ZNF362: variants seen among roughly 807,000 people sequenced by gnomAD.
ZNF362 encodes the protein zinc finger protein 362.
A neutral mutation model predicts 42.9 loss-of-function variants in ZNF362; 11 were observed. That is an observed-to-expected ratio of 0.26 (90% CI 0.16 to 0.42). The LOEUF is 0.42. Among genes scored for constraint, ZNF362 ranks in the 20% least tolerant of loss-of-function variants. ZNF362 has a pLI of 1.00. For synonymous variants in ZNF362, 255 were observed against 257.3 expected (o/e 0.99, Z 0.09); for missense variants, 362 against 576.2 (o/e 0.63, Z 3.81).
the ZNF362 span, among the ~76,000 whole-genome samples, chr1:33,210,768 C>T: frequency 6.6e-6 from 1 of 151,380 alleles, no homozygotes; most frequent in Non-Finnish European, 1.5e-5. Context: ...TTTTTCTTTC[C>T]ACTTGCTTGG....
At chr1:33,160,136 A>G in the ZNF362 span, among the ~76,000 whole-genome samples, 1 of 152,192 alleles carries the variant, frequency 6.6e-6, no homozygotes, top group Non-Finnish European at 1.5e-5. Context: ...TCCATTAAAT[A>G]GCTAATGAAA....
In ZNF362 at chr1:33,276,054, C is replaced by G. The variant is rs750746988; in HGVS notation, c.39-46C>G. On this transcript the variant is annotated intron_variant, in intron 2 of 8. Transcript: ENST00000539719. ...CAGCTGAGGGGTGCTCGCCCCAGGC[C>G]TTGGGGAGGGCTCTCTTCCCGGTGA... is the stretch of plus-strand genomic sequence containing the variant. The G allele has an allele frequency of 1.9e-6, 3 of 1,610,936 alleles. No individual in the cohort carries two copies. The Admixed American group carries it at 5.0e-5, about 27-fold the overall frequency.
chr1:33,178,952 G>T, the ZNF362 span, among the ~76,000 whole-genome samples: 1 of 152,232 alleles, frequency 6.6e-6, no homozygotes, highest in Non-Finnish European at 1.5e-5. Context: ...TGAAGCAGAG[G>T]CTAGAAGGTC....
Position 33,280,151 on chromosome 1 carries a change from C to A in ZNF362, c.377C>A (p.Ser126Tyr). Residue 126 changes from serine to tyrosine, a missense_variant, in exon 5 of 9, where the codon TCT becomes TAT. Around this residue, in one of 3 missense-constraint regions of ZNF362, gnomAD observed 266 missense variants for 365.4 expected, o/e 0.73. Transcript: ENST00000539719. This position sits in a 1 kb window ranked among gnomAD's most constrained non-coding sequence, Gnocchi z 5.6. The stretch of plus-strand genomic sequence containing the variant: ...CTGGGGCTGTCCACCCGGACCCCGT[C>A]TGTGAGCACTTCTGAGTCAAGCGCG... ...TGLGLSTRTPSVSTSESSAGA... is the reference protein window; with the variant it reads ...TGLGLSTRTPYVSTSESSAGA... The A allele has an allele frequency of 6.3e-7, 1 of 1,595,580 alleles. No individual in the cohort carries two copies. The highest frequency in any genetic ancestry group is 8.6e-7 in the Non-Finnish European group (1 of 1,167,662).
the ZNF362 span, among the ~76,000 whole-genome samples, chr1:33,184,932 C>A: frequency 2.0e-5 from 3 of 152,052 alleles, no homozygotes; most frequent in African/African-American, 7.2e-5. Flanking sequence ...AGGCGCATAC[C>A]ACCATGCCTG....
the ZNF362 span, among the ~76,000 whole-genome samples, chr1:33,178,132 C>A: frequency 8.5e-5 from 13 of 152,196 alleles, no homozygotes; most frequent in Non-Finnish European, 1.9e-4. Flanking sequence ...GGCTTCGAGG[C>A]CTTAGGCAAG....
the ZNF362 span, among the ~76,000 whole-genome samples, chr1:33,206,303 T>C: frequency 1.3e-5 from 2 of 151,746 alleles, no homozygotes; most frequent in South Asian, 2.1e-4. Context: ...AGAAAACATA[T>C]AAGATAATTT....
the ZNF362 span, chr1:33,145,347 C>T: frequency 5.5e-3 from 854 of 155,694 alleles, 5 homozygotes; most frequent in Non-Finnish European, 9.4e-3. Flanking sequence ...TGTGCACTGC[C>T]TGGGACAGAG....
At position 33,280,855 on chromosome 1, in the gene ZNF362, G is replaced by A. The variant is rs541854396; in HGVS notation, c.683+398G>A. On this transcript the variant is annotated intron_variant, in intron 5 of 8. Coordinates refer to ENST00000539719, the MANE Select transcript of ZNF362 (RefSeq NM_152493.3). This position sits in a 1 kb window ranked among gnomAD's most constrained non-coding sequence, Gnocchi z 5.6. ...AGGCCAAGGCGGGTGGATCACCTGC[G>A]GTCAGGAGTTTGAGACCAGCCTGGC... Among the ~76,000 whole-genome samples, 5 of 152,260 alleles carry A rather than the reference G, an allele frequency of 3.3e-5. No individual in the cohort carries two copies. The highest frequency in any genetic ancestry group is 1.2e-4 in the African/African-American group (5 of 41,542).
the ZNF362 span, among the ~76,000 whole-genome samples, chr1:33,193,002 C>T: frequency 8.1e-4 from 17 of 20,914 alleles, no homozygotes; most frequent in Non-Finnish European, 2.1e-4. Context: ...CACACACACA[C>T]ACATATATAT....
At chr1:33,143,884 A>G in the ZNF362 span, among the ~76,000 whole-genome samples, 1 of 152,252 alleles carries the variant, frequency 6.6e-6, no homozygotes, top group Non-Finnish European at 1.5e-5. Flanking sequence ...TAATTTCACA[A>G]GCCTCTGACT....
chr1:33,290,538 C>T (rs1448683441), intron 6 of ZNF362, among the ~76,000 whole-genome samples: 1 of 152,106 alleles, frequency 6.6e-6, no homozygotes, highest in African/African-American at 2.4e-5. Context: ...GTGCATGTGT[C>T]TTTATAGCAG....
chr1:33,156,590 G>A, the ZNF362 span, among the ~76,000 whole-genome samples: 1 of 152,084 alleles, frequency 6.6e-6, no homozygotes, highest in Non-Finnish European at 1.5e-5. Flanking sequence ...GGAGTGTTCC[G>A]GGGCTCCTGA....
the ZNF362 span, chr1:33,165,307 C>G: frequency 1.7e-6 from 1 of 601,112 alleles, no homozygotes; most frequent in Non-Finnish European, 2.9e-6. The surrounding 1 kb of genome is among the most constrained non-coding windows in gnomAD (Gnocchi z 4.0). Flanking sequence ...CACGGATGCC[C>G]TACCCTCTTC....
the ZNF362 span, among the ~76,000 whole-genome samples, chr1:33,155,514 C>T: frequency 6.6e-6 from 1 of 152,106 alleles, no homozygotes; most frequent in Non-Finnish European, 1.5e-5. Flanking sequence ...CCCCAGCCTC[C>T]TTCCTGGTGT....
chr1:33,273,097 G>A (rs904423458), intron 2 of ZNF362, among the ~76,000 whole-genome samples: 1 of 152,234 alleles, frequency 6.6e-6, no homozygotes, highest in African/African-American at 2.4e-5. Context: ...CTGCACAGGG[G>A]ATACCCACCT....
the ZNF362 span, among the ~76,000 whole-genome samples, chr1:33,169,760 C>T: frequency 8.5e-5 from 13 of 152,194 alleles, no homozygotes; most frequent in Non-Finnish European, 1.8e-4. Flanking sequence ...TTGCACTGGC[C>T]ACATTTCAAG....
chr1:33,173,059 A>C, the ZNF362 span, among the ~76,000 whole-genome samples: 910 of 152,280 alleles, frequency 6.0e-3, 11 homozygotes, highest in Non-Finnish European at 8.0e-3. Context: ...AGGATGCCAG[A>C]AACCTGACCG....
the ZNF362 span, among the ~76,000 whole-genome samples, chr1:33,225,013 T>G: frequency 6.6e-6 from 1 of 152,090 alleles, no homozygotes; most frequent in Non-Finnish European, 1.5e-5. Flanking sequence ...CATCTAGATT[T>G]CCATATCCAT....
Sources: gnomAD v4.1 joint callset for allele counts (sites outside exome capture counted in the v4.1 genomes callset) on GRCh38, gnomAD v4.1.1 for gene constraint, gnomAD v4.1.1 regional missense constraint, Gnocchi (gnomAD v3.1) non-coding constraint, MANE v1.5 for transcripts, NCBI Gene and HGNC (gene_info 2026-07-23, HGNC 2026-07-21) for gene names.